SMAD6: variants seen among roughly 807,000 people sequenced by gnomAD.
SMAD6 encodes MAD homolog 6.
Under a neutral mutation model 39.4 loss-of-function variants are expected in SMAD6, and 103 were observed. The observed-to-expected ratio is 2.62, with a 90% CI of 2.23 to 3.08. The LOEUF (loss-of-function observed/expected upper bound fraction) is 3.08, where lower values mean the gene tolerates loss of function less well. Among genes scored for constraint, SMAD6 ranks in the 30% most tolerant of loss-of-function variants. SMAD6 has a pLI of 0.00. For synonymous variants in SMAD6, 445 were observed against 353.3 expected, an observed-to-expected ratio of 1.26 and a Z score of -2.91; for missense variants, 1,104 against 742.9, an observed-to-expected ratio of 1.49 and a Z score of -5.65.
intron 3 of SMAD6, among the ~76,000 whole-genome samples, chr15:66,764,080 G>T (rs1475046690): frequency 6.6e-6 from 1 of 152,214 alleles, no homozygotes; most frequent in African/African-American, 2.4e-5. Context: ...TGGGTGATTG[G>T]AAAGGATACT....
chr15:66,715,755 A>G (rs1379227414), intron 2 of SMAD6, among the ~76,000 whole-genome samples: 1 of 148,234 alleles, frequency 6.7e-6, no homozygotes, highest in African/African-American at 2.5e-5. Flanking sequence ...TGAAGTACTT[A>G]AAACTACTTA....
At chr15:66,778,844 G>A (rs1463973391) in intron 3 of SMAD6, among the ~76,000 whole-genome samples, 6 of 152,206 alleles carry the variant, frequency 3.9e-5, no homozygotes, top group Admixed American at 2.0e-4. Flanking sequence ...GTGAGATGAG[G>A]CTGTTGTGAA....
At chr15:66,735,703 C>T (rs1893701230) in intron 3 of SMAD6, among the ~76,000 whole-genome samples, 1 of 152,164 alleles carries the variant, frequency 6.6e-6, no homozygotes, top group Non-Finnish European at 1.5e-5. Context: ...GGAACTGCTC[C>T]TCTGAATGGT....
chr15:66,712,862 C>T (rs1465371248), intron 2 of SMAD6, among the ~76,000 whole-genome samples: 2 of 151,792 alleles, frequency 1.3e-5, no homozygotes, highest in Non-Finnish European at 2.9e-5. Flanking sequence ...TGAAAATTAG[C>T]TGGGTGTGGT....
chr15:66,709,999 T>G (rs751190479), intron 1 of SMAD6, among the ~76,000 whole-genome samples: 1 of 152,226 alleles, frequency 6.6e-6, no homozygotes, highest in Non-Finnish European at 1.5e-5. Flanking sequence ...GAGCGCGTTC[T>G]GTGCAGGTGG....
chr15:66,744,170 AC>A (rs1407457225), intron 3 of SMAD6, among the ~76,000 whole-genome samples: 1 of 152,066 alleles, frequency 6.6e-6, no homozygotes, highest in Non-Finnish European at 1.5e-5. Flanking sequence ...GTAACTCACA[AC>A]CCTTTGCTAT....
At chr15:66,726,650 C>T (rs1893526421) in intron 3 of SMAD6, among the ~76,000 whole-genome samples, 2 of 152,142 alleles carry the variant, frequency 1.3e-5, no homozygotes, top group Admixed American at 1.3e-4. Flanking sequence ...GGTAGCACCA[C>T]CCCTACCTGG....
intron 3 of SMAD6, among the ~76,000 whole-genome samples, chr15:66,773,509 T>C (rs972431251): frequency 1.3e-5 from 2 of 152,174 alleles, no homozygotes; most frequent in Admixed American, 1.3e-4. Context: ...TGGAAACTCC[T>C]TTTTCCCTCT....
chr15:66,779,228 G>A (rs1471434476), intron 3 of SMAD6, among the ~76,000 whole-genome samples: 1 of 152,198 alleles, frequency 6.6e-6, no homozygotes, highest in Admixed American at 6.5e-5. Context: ...GGCTTGAGCT[G>A]TCTCTGTCAC....
chr15:66,768,703 C>G (rs1007622703), intron 3 of SMAD6, among the ~76,000 whole-genome samples: 6 of 152,224 alleles, frequency 3.9e-5, no homozygotes, highest in African/African-American at 1.4e-4. Context: ...CAGTAGTACT[C>G]TCTGTTAAAT....
intron 3 of SMAD6, among the ~76,000 whole-genome samples, chr15:66,764,412 C>T (rs1379184828): frequency 1.3e-5 from 2 of 151,812 alleles, no homozygotes; most frequent in African/African-American, 2.4e-5. Flanking sequence ...TGGTGGGATG[C>T]GTGCTTTATC....
Position 66,747,139 on chromosome 15 carries a change from C to G in SMAD6, c.952+30641C>G, listed in dbSNP as rs780460507. ...ATCTAATTGATCCAGTTGATCTTCC[C>G]TGAGAGGATCCAGCCAGGAGGACAG... On this transcript the variant is annotated intron_variant, in intron 3 of 3. Coordinates refer to ENST00000288840, the MANE Select transcript of SMAD6 (RefSeq NM_005585.5). This position sits in a 1 kb window ranked among gnomAD's most constrained non-coding sequence, Gnocchi z 4.5. Among the ~76,000 whole-genome samples, 6 of 152,362 alleles carry G rather than the reference C, an allele frequency of 3.9e-5. No homozygotes were observed. The highest frequency in any genetic ancestry group is 6.5e-5 in the Admixed American group (1 of 15,308).
intron 3 of SMAD6, among the ~76,000 whole-genome samples, chr15:66,755,004 C>A (rs1250396464): frequency 2.0e-5 from 3 of 152,188 alleles, no homozygotes; most frequent in African/African-American, 7.2e-5. Flanking sequence ...TGCTGTGTGA[C>A]CTTAGGCAAA....
At chr15:66,729,899 C>CCCT (rs1414985891) in intron 3 of SMAD6, among the ~76,000 whole-genome samples, 1 of 152,168 alleles carries the variant, frequency 6.6e-6, no homozygotes, top group Non-Finnish European at 1.5e-5. Flanking sequence ...CAGACGAGGG[C>CCCT]CTGGGCCCGC....
At chr15:66,752,013 A>C (rs1371615645) in intron 3 of SMAD6, among the ~76,000 whole-genome samples, 1 of 149,766 alleles carries the variant, frequency 6.7e-6, no homozygotes, top group Non-Finnish European at 1.5e-5. Context: ...TTATAAACAT[A>C]ATAAAACCCC....
Position 66,781,975 on chromosome 15 carries a change from G to T in SMAD6, c.*440G>T. On this transcript the variant is annotated 3_prime_UTR_variant, in exon 4 of 4. Coordinates refer to ENST00000288840, the MANE Select transcript of SMAD6 (RefSeq NM_005585.5). ...CTAATACCAGTCACTCGATAATAAA[G>T]TATTCGCATTATAGTTTTTTTTAAA... 1 of 398,862 alleles carries T rather than the reference G, an allele frequency of 2.5e-6. No individual in the cohort carries two copies. The highest frequency in any genetic ancestry group is 4.4e-6 in the Non-Finnish European group (1 of 226,040). 24.7% of individuals were successfully genotyped at this position (398,862 alleles called of 1,614,324 possible).
At position 66,702,959 on chromosome 15, in the gene SMAD6, C is replaced by A. The variant is rs917453028; in HGVS notation, c.-300C>A. ...CTGGCGGCGCGCCGCCTGCAGCCCC[C>A]CTAAAGCGCGGGGGCTGGAGTTGTT... is the stretch of plus-strand genomic sequence containing the variant. On this transcript the variant is annotated 5_prime_UTR_variant, in exon 1 of 4. Coordinates refer to ENST00000288840, the MANE Select transcript of SMAD6 (RefSeq NM_005585.5). The A allele has an allele frequency of 2.2e-5, 6 of 278,370 alleles. No homozygotes were observed. The highest frequency in any genetic ancestry group is 1.8e-4 in the East Asian group (3 of 16,706). The allele number at this position is 278,370 out of a possible 1,614,324, so 17.2% of individuals were successfully genotyped here.
chr15:66,769,865 C>T (rs1894351089), intron 3 of SMAD6, among the ~76,000 whole-genome samples: 1 of 152,132 alleles, frequency 6.6e-6, no homozygotes, highest in Non-Finnish European at 1.5e-5. Flanking sequence ...TGGAGTCTTG[C>T]TCTGTTGCCC....
chr15:66,726,370 G>T (rs541234602), intron 3 of SMAD6, among the ~76,000 whole-genome samples: 11 of 152,302 alleles, frequency 7.2e-5, no homozygotes, highest in Admixed American at 1.3e-4. Flanking sequence ...AGAGGCCAAG[G>T]CATCTCCACA....
Sources: allele counts gnomAD v4.1 joint callset (sites outside exome capture counted in the v4.1 genomes callset), GRCh38; gene constraint gnomAD v4.1.1; non-coding constraint Gnocchi (gnomAD v3.1); transcripts MANE v1.5; gene names NCBI Gene and HGNC (gene_info 2026-07-23, HGNC 2026-07-21).